GDF1: variants seen among roughly 807,000 people sequenced by gnomAD.
GDF1 encodes growth differentiation factor 1.
GDF1 carries 8 observed loss-of-function variants against 7.4 expected under a neutral mutation model. That is an observed-to-expected ratio of 1.09 (90% confidence interval 0.64 to 1.96). The LOEUF (loss-of-function observed/expected upper bound fraction) is 1.96, where lower values mean the gene tolerates loss of function less well. Ranked by LOEUF, GDF1 falls within the 30% of genes most tolerant of loss-of-function variation. The probability of loss-of-function intolerance (pLI) is 0.00; values close to 1 mark genes in which losing one functional copy is unlikely to be tolerated. For synonymous variants in GDF1, 311 were observed against 276.7 expected (o/e 1.12, Z -1.23); for missense variants, 574 against 551.5 (o/e 1.04, Z -0.41).
intron 4 of GDF1, among the ~76,000 whole-genome samples, chr19:18,879,956 C>T (rs2056161486): frequency 6.6e-6 from 1 of 151,566 alleles, no homozygotes; most frequent in Non-Finnish European, 1.5e-5. Flanking sequence ...CTGTATTAGT[C>T]TAGCTCTTCC....
intron 6 of GDF1, among the ~76,000 whole-genome samples, chr19:18,876,050 C>G (rs1213416432): frequency 6.6e-6 from 1 of 152,094 alleles, no homozygotes; most frequent in Non-Finnish European, 1.5e-5. Context: ...CATTCAATGC[C>G]TTTTTTTCAC....
chr19:18,882,934 G>A (rs2056251433), intron 3 of GDF1, among the ~76,000 whole-genome samples: 1 of 152,172 alleles, frequency 6.6e-6, no homozygotes, highest in South Asian at 2.1e-4. Context: ...CTCATGATCC[G>A]CTCGCCTCGG....
Position 18,880,402 on chromosome 19 carries a change from C to T in GDF1, c.-699G>A. On this transcript the variant is annotated 5_prime_UTR_variant, in exon 4 of 8. Transcript: ENST00000247005. Reference sequence around the variant, plus strand: ...CAAGCTGCACGTCACTGATATCGTGCAGGAAGAGCACAAGGATGCCCACAT... The same window carrying T: ...CAAGCTGCACGTCACTGATATCGTGTAGGAAGAGCACAAGGATGCCCACAT... 1.3e-6 allele frequency: 2 copies of T among 1,591,024 alleles called. No homozygotes were observed. The highest frequency in any genetic ancestry group is 8.6e-7 in the Non-Finnish European group (1 of 1,168,976).
At chr19:18,869,529 G>T in intron 7 of GDF1, 139 bp from the exon 8 acceptor site, 1 of 1,179,014 alleles carries the variant, frequency 8.5e-7, no homozygotes, top group South Asian at 1.6e-5. Flanking sequence ...CGGCGGGGTG[G>T]GCTGATGGAG....
At position 18,893,416 on chromosome 19, in the gene GDF1, C is replaced by T. The variant is rs201815642; in HGVS notation, c.-914G>A. 4.4e-6 allele frequency: 7 copies of T among 1,601,208 alleles called. No homozygotes were observed. Among genetic ancestry groups the T allele is most frequent in the African/African-American group, 4.0e-5 (3 of 74,670 alleles). On this transcript the variant is annotated splice_region_variant and 5_prime_UTR_variant, in exon 2 of 8. Coordinates refer to ENST00000247005, the MANE Select transcript of GDF1 (RefSeq NM_001492.6). ...CCGGCCATCCCCTCAGGGCCCCTAC[C>T]GTAGAAGACAGATGGTGGGTCATGG...
chr19:18,880,140 C>A, intron 4 of GDF1, 134 bp downstream of exon 4: 1 of 864,334 alleles, frequency 1.2e-6, no homozygotes, highest in Non-Finnish European at 1.7e-6. Context: ...AATCATGAGG[C>A]CCCTCCCCTG....
At position 18,879,407 on chromosome 19, in the gene GDF1, G is replaced by C; in HGVS notation, c.-570-19C>G. On this transcript the variant is annotated intron_variant, in intron 4 of 7. Coordinates refer to ENST00000247005, the MANE Select transcript of GDF1 (RefSeq NM_001492.6). ...CCAGAACCTGCGGTGGGAGGAGTCA[G>C]GAGGCCGTGGGTGGAGGGGGACGGT... The C allele has an allele frequency of 6.4e-7, 1 of 1,553,046 alleles. No homozygotes were observed. Among genetic ancestry groups the C allele is most frequent in the Non-Finnish European group, 8.7e-7 (1 of 1,148,162 alleles).
Position 18,884,079 on chromosome 19 carries a change from G to A in GDF1, c.-733+8C>T. On this transcript the variant is annotated splice_region_variant and intron_variant, in intron 3 of 7. Transcript: ENST00000247005. ...CCTCGGCCCCCTGCCACCCGATCCT[G>A]TCCTTACCGGAAGGCGTAGGAGGAG... 3 of 1,610,662 alleles carry A rather than the reference G, an allele frequency of 1.9e-6. No individual in the cohort carries two copies. Among genetic ancestry groups the A allele is most frequent in the Non-Finnish European group, 2.5e-6 (3 of 1,177,914 alleles).
chr19:18,877,557 G>T (rs1390205884), intron 6 of GDF1, among the ~76,000 whole-genome samples: 5 of 152,080 alleles, frequency 3.3e-5, no homozygotes, highest in African/African-American at 1.2e-4. Flanking sequence ...TTTGAGACCA[G>T]CCTGAGCAAC....
In GDF1 at chr19:18,868,700, G is replaced by A; in HGVS notation, c.1016C>T (p.Pro339Leu). 1.3e-6 allele frequency: 2 copies of A among 1,556,108 alleles called. No homozygotes were observed. Among genetic ancestry groups the A allele is most frequent in the Non-Finnish European group, 1.7e-6 (2 of 1,149,972 alleles). Residue 339 changes from proline to leucine, a missense_variant, in exon 8 of 8, where the codon CCC (proline) becomes CTC (leucine). By Grantham distance (98) the Pro-to-Leu change is moderately conservative. Transcript: ENST00000247005. ...PGAADLPCCV[P>L]ARLSPISVLF... ...CACGGAGATGGGCGACAGGCGCGCGGGCACGCAGCAGGGCAGGTCGGCGGC... is the reference window on the plus strand; with the variant it reads ...CACGGAGATGGGCGACAGGCGCGCGAGCACGCAGCAGGGCAGGTCGGCGGC...
In GDF1 at chr19:18,895,847, C is replaced by A; in HGVS notation, c.-1097G>T. The A allele has an allele frequency of 7.7e-7, 1 of 1,292,902 alleles. No individual in the cohort carries two copies. The highest frequency in any genetic ancestry group is 2.0e-5 in the South Asian group (1 of 51,206). 80.1% of individuals were successfully genotyped at this position (1,292,902 alleles called of 1,614,324 possible). The stretch of plus-strand genomic sequence containing the variant: ...ACCCGAAAGAGGCGCGCAGTGGCCG[C>A]GGAGCGCAGGGCGGTCCAGCCCAGC... On this transcript the variant is annotated 5_prime_UTR_variant, in exon 1 of 8. Coordinates refer to ENST00000247005, the MANE Select transcript of GDF1 (RefSeq NM_001492.6). The surrounding 1 kb of genome is among the most constrained non-coding windows in gnomAD (Gnocchi z 6.4).
intron 1 of GDF1, among the ~76,000 whole-genome samples, chr19:18,893,795 G>C (rs1031397537): frequency 2.6e-5 from 4 of 152,156 alleles, no homozygotes; most frequent in African/African-American, 7.2e-5. Flanking sequence ...GCTGGGAGGG[G>C]AGTGAGGGGG....
At chr19:18,887,675 C>T (rs148791119) in intron 2 of GDF1, among the ~76,000 whole-genome samples, 10,053 of 143,386 alleles carry the variant, frequency 0.07, 731 homozygotes, top group African/African-American at 0.19. Flanking sequence ...ACCCGGGAGG[C>T]GGAGGTTGTG....
intron 2 of GDF1, 70 bp downstream of exon 2, chr19:18,893,346 C>A: frequency 6.7e-7 from 1 of 1,499,394 alleles, no homozygotes; most frequent in Non-Finnish European, 9.0e-7. Context: ...TCATGAGTAG[C>A]TGGGACCACA....
rs776966639 is a variant in GDF1, at chr19:18,869,372, G to C, written c.344C>G (p.Ser115Trp). Residue 115 changes from serine to tryptophan, a missense_variant, in exon 8 of 8, where the codon TCG becomes TGG. Physicochemically the swap from Ser to Trp is radical, Grantham distance 177. Transcript: ENST00000247005. ...IPDRGAPTRASEPASAAGHCP... is the reference protein window; with the variant it reads ...IPDRGAPTRAWEPASAAGHCP... The stretch of plus-strand genomic sequence containing the variant: ...ATGCCCCGCGGCCGAGGCAGGCTCC[G>C]AGGCCCGGGTGGGCGCACCTGGGGA... 4 of 1,529,850 alleles carry C rather than the reference G, an allele frequency of 2.6e-6. No individual in the cohort carries two copies. The East Asian group carries it at 1.0e-4, about 38-fold the overall frequency. The allele number at this position is 1,529,850 out of a possible 1,614,324, so 94.8% of individuals were successfully genotyped here.
Position 18,878,174 on chromosome 19 carries a change from G to A in GDF1, c.-313+756C>T. 6.1e-6 allele frequency: 6 copies of A among 985,596 alleles called. No homozygotes were observed. In the South Asian group the frequency reaches 2.8e-4, roughly 46 times the overall value. The allele number at this position is 985,596 out of a possible 1,614,324, so 61.1% of individuals were successfully genotyped here. A position where few individuals can be genotyped will look rare whatever the true frequency, so the allele number is the denominator to read the frequency against. ...GGGCCTGGCTGGTCGGCACCTTCCA[G>A]GGCCTTCCACAACCTCCTGCCCCGG... On this transcript the variant is annotated intron_variant, in intron 6 of 7. Coordinates refer to ENST00000247005, the MANE Select transcript of GDF1 (RefSeq NM_001492.6). This position sits in a 1 kb window ranked among gnomAD's most constrained non-coding sequence, Gnocchi z 4.6.
At chr19:18,869,586 C>CG (rs1255108824) in intron 7 of GDF1, among the ~76,000 whole-genome samples, 196 bp from the exon 8 acceptor site, 131 of 3,006 alleles carry the variant, frequency 0.044, no homozygotes, top group African/African-American at 0.082. Context: ...CGGGGTGCGG[C>CG]GGGGGGGGTG....
In GDF1 at chr19:18,884,101, G is replaced by A; in HGVS notation, c.-747C>T. 1 of 1,613,270 alleles carries A rather than the reference G, an allele frequency of 6.2e-7. No homozygotes were observed. Among genetic ancestry groups the A allele is most frequent in the Non-Finnish European group, 8.5e-7 (1 of 1,179,622 alleles). On this transcript the variant is annotated 5_prime_UTR_variant, in exon 3 of 8. Transcript: ENST00000247005. ...CCTGTCCTTACCGGAAGGCGTAGGA[G>A]GAGACGATGAGGATGAGAGTGACCA...
At chr19:18,880,891 G>A (rs1395600401) in intron 3 of GDF1, among the ~76,000 whole-genome samples, 1 of 152,100 alleles carries the variant, frequency 6.6e-6, no homozygotes, top group African/African-American at 2.4e-5. Context: ...TAGAGACTGG[G>A]TCTTGCTATG....
Sources: allele counts gnomAD v4.1 joint callset (sites outside exome capture counted in the v4.1 genomes callset), GRCh38; gene constraint gnomAD v4.1.1; non-coding constraint Gnocchi (gnomAD v3.1); transcripts MANE v1.5; gene names NCBI Gene and HGNC (gene_info 2026-07-23, HGNC 2026-07-21).